Variants in POU6F2 observed in about 807,000 individuals in gnomAD.
POU6F2 encodes POU class 6 homeobox 2.
POU6F2 carries 31 observed loss-of-function variants against 71.3 expected under a neutral mutation model. The observed-to-expected ratio is 0.43, with a 90% CI of 0.33 to 0.59. POU6F2 has a LOEUF of 0.59. Among genes scored for constraint, POU6F2 ranks in the 20% least tolerant of loss-of-function variants. POU6F2 has a pLI of 0.04. For missense variants in POU6F2, 783 were observed against 856.8 expected (o/e 0.91, Z 1.07); for synonymous variants, 347 against 355.7 (o/e 0.98, Z 0.27).
intron 2 of POU6F2, among the ~76,000 whole-genome samples, chr7:39,192,372 C>T (rs1302311141): frequency 6.6e-6 from 1 of 152,082 alleles, no homozygotes; most frequent in Non-Finnish European, 1.5e-5. Flanking sequence ...TAAAGTGGTG[C>T]TTTGGCTACT....
chr7:39,337,925 A>G lies in POU6F2; in HGVS notation c.599-1717A>G, dbSNP rs538718759. Reference sequence around the variant, plus strand: ...GACATATTTGGGACCAAGGCTCATTAGTAGGTTAGGGTCTGCTGTACCTAC... The same window carrying G: ...GACATATTTGGGACCAAGGCTCATTGGTAGGTTAGGGTCTGCTGTACCTAC... On this transcript the variant is annotated intron_variant, in intron 4 of 9. Coordinates refer to ENST00000518318, the MANE Select transcript of POU6F2 (RefSeq NM_001370959.1). Among the ~76,000 whole-genome samples the G allele has an allele frequency of 2.0e-5, 3 of 152,358 alleles. 1 individual carries two copies. In the South Asian group the frequency reaches 6.2e-4, roughly 32 times the overall value.
At chr7:39,219,412 C>A (rs1279141167) in intron 4 of POU6F2, among the ~76,000 whole-genome samples, 1 of 151,990 alleles carries the variant, frequency 6.6e-6, no homozygotes, top group African/African-American at 2.4e-5. Context: ...TGTTTGAGTC[C>A]TTTTTTCCCT....
At chr7:39,416,392 G>A (rs550659840) in intron 6 of POU6F2, among the ~76,000 whole-genome samples, 7 of 152,242 alleles carry the variant, frequency 4.6e-5, no homozygotes, top group Admixed American at 3.3e-4. Flanking sequence ...AATGCATGGT[G>A]AGTGCTTCGT....
At chr7:39,033,180 GCCTAAAAACAACA>G (rs1303800199) in intron 1 of POU6F2, among the ~76,000 whole-genome samples, 1 of 152,176 alleles carries the variant, frequency 6.6e-6, no homozygotes, top group African/African-American at 2.4e-5. Context: ...ATGATCAGTT[GCCTAAAAACAACA>G]CATATATATT....
chr7:39,426,068 G>T (rs1296373141), intron 6 of POU6F2, among the ~76,000 whole-genome samples: 1 of 152,166 alleles, frequency 6.6e-6, no homozygotes, highest in Non-Finnish European at 1.5e-5. Context: ...GCTCCTTCCT[G>T]CTGCTTGCTG....
At chr7:39,050,178 T>C (rs1056756210) in intron 1 of POU6F2, among the ~76,000 whole-genome samples, 3 of 151,968 alleles carry the variant, frequency 2.0e-5, no homozygotes, top group African/African-American at 7.2e-5. Flanking sequence ...TTAGCACCCC[T>C]TTTCCCCCAA....
At chr7:39,067,215 C>A (rs1584525593) in intron 1 of POU6F2, among the ~76,000 whole-genome samples, 1 of 146,950 alleles carries the variant, frequency 6.8e-6, no homozygotes, top group South Asian at 2.1e-4. Context: ...GATTATTCAA[C>A]TAATTATGCT....
chr7:39,343,158 T>C (rs1189198990), intron 5 of POU6F2, among the ~76,000 whole-genome samples: 2 of 152,124 alleles, frequency 1.3e-5, no homozygotes, highest in Non-Finnish European at 2.9e-5. Flanking sequence ...TCCCTGTAAA[T>C]AAGTAAAGTA....
intron 4 of POU6F2, among the ~76,000 whole-genome samples, chr7:39,321,877 A>ATATT (rs1785400613): frequency 6.6e-6 from 1 of 151,928 alleles, no homozygotes; most frequent in Non-Finnish European, 1.5e-5. Context: ...AACATTGTAT[A>ATATT]TATTTATATA....
At chr7:39,203,691 C>T (rs1793951343) in intron 2 of POU6F2, among the ~76,000 whole-genome samples, 1 of 152,152 alleles carries the variant, frequency 6.6e-6, no homozygotes, top group South Asian at 2.1e-4. Flanking sequence ...GCACCTGGGA[C>T]ACTTGCTTGG....
intron 5 of POU6F2, among the ~76,000 whole-genome samples, chr7:39,381,467 C>G (rs1465960040): frequency 6.6e-6 from 1 of 152,068 alleles, no homozygotes; most frequent in Non-Finnish European, 1.5e-5. Flanking sequence ...GTGTCAAACA[C>G]CTGACCTCAA....
At chr7:39,266,491 C>T (rs534806891) in intron 4 of POU6F2, among the ~76,000 whole-genome samples, 49 of 152,100 alleles carry the variant, frequency 3.2e-4, no homozygotes, top group Non-Finnish European at 6.6e-4. Context: ...GGATTGGTCC[C>T]TTGCATCTCC....
At chr7:39,118,073 C>A (rs923402937) in intron 2 of POU6F2, among the ~76,000 whole-genome samples, 1 of 151,950 alleles carries the variant, frequency 6.6e-6, no homozygotes, top group African/African-American at 2.4e-5. Flanking sequence ...TCTTATAATA[C>A]CGCCTTTCCC....
chr7:39,260,188 CCACA>C (rs1015129171), intron 4 of POU6F2, among the ~76,000 whole-genome samples: 1 of 146,590 alleles, frequency 6.8e-6, no homozygotes, highest in Non-Finnish European at 1.5e-5. Context: ...TGTGCTCACA[CCACA>C]CACACAATAC....
At chr7:39,421,391 T>C (rs2115970139) in intron 6 of POU6F2, among the ~76,000 whole-genome samples, 1 of 152,336 alleles carries the variant, frequency 6.6e-6, no homozygotes, top group East Asian at 1.9e-4. Flanking sequence ...ACAGAAAGCA[T>C]ATGAATCATC....
chr7:39,115,722 C>T (rs1186063700), intron 2 of POU6F2, among the ~76,000 whole-genome samples: 1 of 152,100 alleles, frequency 6.6e-6, no homozygotes, highest in Non-Finnish European at 1.5e-5. Context: ...AGCTCAGTAT[C>T]AGGCCTGGTA....
intron 5 of POU6F2, among the ~76,000 whole-genome samples, chr7:39,379,350 G>A (rs182650726): frequency 2.6e-5 from 4 of 152,156 alleles, no homozygotes; most frequent in East Asian, 1.9e-4. Flanking sequence ...CAATCAATCC[G>A]CTGTAAATCA....
chr7:39,182,070 G>A (rs1793446003), intron 2 of POU6F2, among the ~76,000 whole-genome samples: 1 of 152,114 alleles, frequency 6.6e-6, no homozygotes, highest in Admixed American at 6.5e-5. Flanking sequence ...TTATAAATCA[G>A]AAGATTTCAA....
At chr7:39,385,435 C>T (rs1786917258) in intron 5 of POU6F2, among the ~76,000 whole-genome samples, 1 of 152,144 alleles carries the variant, frequency 6.6e-6, no homozygotes, top group Non-Finnish European at 1.5e-5. Flanking sequence ...GAAACCATCA[C>T]CAGTGAGAGA....
Sources: gnomAD v4.1 joint callset for allele counts (sites outside exome capture counted in the v4.1 genomes callset) on GRCh38, gnomAD v4.1.1 for gene constraint, MANE v1.5 for transcripts, NCBI Gene and HGNC (gene_info 2026-07-23, HGNC 2026-07-21) for gene names.